CGGBP1: variants seen among roughly 807,000 people sequenced by gnomAD.
CGGBP1 encodes CGG triplet repeat binding protein 1, also known as CGG triplet repeat-binding protein 1.
Under a neutral mutation model 11.4 loss-of-function variants are expected in CGGBP1, and 4 were observed. That is an observed-to-expected ratio of 0.35 (90% CI 0.17 to 0.80). The LOEUF (loss-of-function observed/expected upper bound fraction) is 0.80. Ranked by LOEUF, CGGBP1 falls within the 30% of genes least tolerant of loss-of-function variation. The pLI, the probability that CGGBP1 is intolerant of heterozygous loss-of-function variation, is 0.52. For synonymous variants in CGGBP1, 76 were observed against 74.1 expected (o/e 1.03, Z -0.13); for missense variants, 135 against 202.1 (o/e 0.67, Z 2.01).
Position 88,055,362 on chromosome 3 carries a change from A to G in CGGBP1, c.*111T>C. 1 of 1,118,108 alleles carries G rather than the reference A, an allele frequency of 8.9e-7. No homozygotes were observed. Among genetic ancestry groups the G allele is most frequent in the Non-Finnish European group, 1.2e-6 (1 of 801,760 alleles). 69.3% of individuals were successfully genotyped at this position (1,118,108 alleles called of 1,614,324 possible). On this transcript the variant is annotated 3_prime_UTR_variant, in exon 4 of 4. Coordinates refer to ENST00000482016, the MANE Select transcript of CGGBP1 (RefSeq NM_001008390.2). This position sits in a 1 kb window ranked among gnomAD's most constrained non-coding sequence, Gnocchi z 4.2. ...GCAACTATATACACATTGCAAAACTATTCTGCGTCACATGATTTTAAATGA... is the reference window on the plus strand; with the variant it reads ...GCAACTATATACACATTGCAAAACTGTTCTGCGTCACATGATTTTAAATGA...
chr3:88,147,962 C>G (rs1165052800), intron 1 of CGGBP1, among the ~76,000 whole-genome samples: 1 of 152,156 alleles, frequency 6.6e-6, no homozygotes, highest in East Asian at 1.9e-4. Flanking sequence ...ATTAAGAAAC[C>G]CTGCGTTAGA....
chr3:88,072,272 C>A (rs2107617630), intron 2 of CGGBP1, among the ~76,000 whole-genome samples: 1 of 152,208 alleles, frequency 6.6e-6, no homozygotes, highest in East Asian at 1.9e-4. Context: ...ATTTTATTTC[C>A]CTGTTGCCAC....
chr3:88,066,776 A>G (rs1707225394), intron 2 of CGGBP1, among the ~76,000 whole-genome samples: 1 of 152,218 alleles, frequency 6.6e-6, no homozygotes, highest in Non-Finnish European at 1.5e-5. Flanking sequence ...GTGCTAAACT[A>G]CACCTTAAAA....
At chr3:88,108,479 T>C (rs1204431360) in intron 2 of CGGBP1, among the ~76,000 whole-genome samples, 2 of 152,200 alleles carry the variant, frequency 1.3e-5, no homozygotes, top group African/African-American at 4.8e-5. Flanking sequence ...TTGTTACCCA[T>C]AGTCAACCAT....
upstream of CGGBP1, among the ~76,000 whole-genome samples, chr3:88,063,502 T>C (rs1707006934): frequency 6.6e-6 from 1 of 152,184 alleles, no homozygotes; most frequent in African/African-American, 2.4e-5. Flanking sequence ...GAAGAAACAA[T>C]CCTTATTTCT....
At chr3:88,059,308 G>A, upstream of CGGBP1, 1 of 1,533,042 alleles carries the variant, frequency 6.5e-7, no homozygotes, top group Non-Finnish European at 8.7e-7. Flanking sequence ...CGCGCTGGGC[G>A]GCGAGAGCCT....
At chr3:88,110,628 C>T (rs1053212594) in intron 2 of CGGBP1, among the ~76,000 whole-genome samples, 4 of 152,060 alleles carry the variant, frequency 2.6e-5, no homozygotes, top group Non-Finnish European at 4.4e-5. Flanking sequence ...ATATTTTGGG[C>T]TTCTACTTTA....
rs976074222 is a variant in CGGBP1, at chr3:88,101,681, G to A, written c.-229+39289C>T. Among the ~76,000 whole-genome samples the A allele has an allele frequency of 3.3e-5, 5 of 152,034 alleles. No individual in the cohort carries two copies. The East Asian group carries it at 5.8e-4, about 18-fold the overall frequency. ...GGCCACATCTTTTCATTTCTCCTAGGTAGATACCTAGGCATAGAATTGTTA... is the reference window on the plus strand; with the variant it reads ...GGCCACATCTTTTCATTTCTCCTAGATAGATACCTAGGCATAGAATTGTTA... On this transcript the variant is annotated intron_variant, in intron 2 of 3. Coordinates refer to the CGGBP1 transcript ENST00000462901.
chr3:88,140,748 C>T (rs1283484750), intron 2 of CGGBP1: 11 of 1,613,682 alleles, frequency 6.8e-6, no homozygotes, highest in Non-Finnish European at 9.3e-6. Context: ...ATCTCAGGCA[C>T]CTTCCAAACC....
At chr3:88,121,385 A>G (rs1705759837) in intron 2 of CGGBP1, among the ~76,000 whole-genome samples, 1 of 152,148 alleles carries the variant, frequency 6.6e-6, no homozygotes, top group African/African-American at 2.4e-5. Flanking sequence ...TTTTGGCAAC[A>G]GCAATCATGT....
intron 2 of CGGBP1, among the ~76,000 whole-genome samples, chr3:88,117,228 C>A (rs899206861): frequency 2.6e-5 from 4 of 152,126 alleles, no homozygotes; most frequent in Admixed American, 1.3e-4. Context: ...ATTTTCAACT[C>A]ATAATTACTT....
At chr3:88,059,568 G>C (rs775075199), upstream of CGGBP1, 1 of 1,443,444 alleles carries the variant, frequency 6.9e-7, no homozygotes, top group Non-Finnish European at 9.0e-7. Context: ...GCGTCTCCTG[G>C]TCTTCTCGTC....
At chr3:88,128,788 T>A in intron 2 of CGGBP1, 1 of 1,484,136 alleles carries the variant, frequency 6.7e-7, no homozygotes, top group Middle Eastern at 2.1e-4. Context: ...AGTAATAGAG[T>A]CTGTTTTCTT....
intron 2 of CGGBP1, among the ~76,000 whole-genome samples, chr3:88,067,204 T>A (rs1201545349): frequency 6.6e-6 from 1 of 152,204 alleles, no homozygotes; most frequent in Non-Finnish European, 1.5e-5. Flanking sequence ...CTTTGGTAAG[T>A]GCTATGAAGA....
At chr3:88,066,264 A>G (rs2107598125) in intron 2 of CGGBP1, among the ~76,000 whole-genome samples, 1 of 152,310 alleles carries the variant, frequency 6.6e-6, no homozygotes, top group South Asian at 2.1e-4. Context: ...ATAACCACTC[A>G]CTACATTGCT....
At chr3:88,146,680 AC>A (rs1707318929) in intron 1 of CGGBP1, among the ~76,000 whole-genome samples, 1 of 151,986 alleles carries the variant, frequency 6.6e-6, no homozygotes, top group Non-Finnish European at 1.5e-5. Flanking sequence ...CCCCGCACCT[AC>A]CCTCATCATG....
chr3:88,088,216 G>T (rs996540016), intron 2 of CGGBP1, among the ~76,000 whole-genome samples: 9 of 152,062 alleles, frequency 5.9e-5, no homozygotes, highest in African/African-American at 2.2e-4. Context: ...CATCAGTCAA[G>T]AAACTCCAGA....
At chr3:88,145,987 C>T (rs1046403224) in intron 1 of CGGBP1, among the ~76,000 whole-genome samples, 1 of 152,178 alleles carries the variant, frequency 6.6e-6, no homozygotes, top group African/African-American at 2.4e-5. Flanking sequence ...CAAATGTAGA[C>T]CATGAGTGGA....
chr3:88,057,473 T>C (rs1220408319), intron 2 of CGGBP1, among the ~76,000 whole-genome samples, 181 bp from the exon 3 acceptor site: 1 of 152,162 alleles, frequency 6.6e-6, no homozygotes, highest in Non-Finnish European at 1.5e-5. Context: ...TTTAAGTAAA[T>C]GGTATGTGTT....
Sources: allele counts gnomAD v4.1 joint callset (sites outside exome capture counted in the v4.1 genomes callset), GRCh38; gene constraint gnomAD v4.1.1; non-coding constraint Gnocchi (gnomAD v3.1); transcripts MANE v1.5; gene names NCBI Gene and HGNC (gene_info 2026-07-23, HGNC 2026-07-21).